The following RASEF variants were observed in gnomAD, a reference collection of about 807,000 sequenced individuals.
The protein encoded by RASEF is ras and EF-hand domain-containing protein.
RASEF carries 68 observed loss-of-function variants against 90.1 expected under a neutral mutation model. The observed-to-expected ratio is 0.75, with a 90% CI of 0.62 to 0.92. The LOEUF (loss-of-function observed/expected upper bound fraction) is 0.92. Ranked by LOEUF, RASEF falls within the 40% of genes least tolerant of loss-of-function variation. The pLI, the probability that RASEF is intolerant of heterozygous loss-of-function variation, is 0.00. For missense variants in RASEF, 949 were observed against 937.2 expected (o/e 1.01, Z -0.16); for synonymous variants, 331 against 345.2 (o/e 0.96, Z 0.46).
At chr9:83,127,031 T>C in the RASEF span, among the ~76,000 whole-genome samples, 2 of 152,286 alleles carry the variant, frequency 1.3e-5, no homozygotes, top group South Asian at 4.1e-4. Flanking sequence ...TAAAATATAA[T>C]ACATAAATTG....
the RASEF span, among the ~76,000 whole-genome samples, chr9:83,124,907 T>C: frequency 6.6e-6 from 1 of 152,012 alleles, no homozygotes; most frequent in Admixed American, 6.6e-5. Context: ...AACAGGCCAT[T>C]AGCAAAACCT....
the RASEF span, among the ~76,000 whole-genome samples, chr9:83,155,114 A>C: frequency 6.6e-6 from 1 of 152,190 alleles, no homozygotes; most frequent in Non-Finnish European, 1.5e-5. Context: ...CCAGAGGTAA[A>C]CCAGAAAGGA....
At chr9:83,188,335 T>C in the RASEF span, among the ~76,000 whole-genome samples, 1 of 152,224 alleles carries the variant, frequency 6.6e-6, no homozygotes, top group African/African-American at 2.4e-5. Context: ...GAAGGCAAAC[T>C]TGACAACAAT....
the RASEF span, among the ~76,000 whole-genome samples, chr9:83,197,919 G>A: frequency 6.6e-6 from 1 of 152,198 alleles, no homozygotes; most frequent in Non-Finnish European, 1.5e-5. Context: ...GATATCTACA[G>A]CAGTAAAAGC....
At chr9:83,073,993 T>C in the RASEF span, among the ~76,000 whole-genome samples, 1 of 152,216 alleles carries the variant, frequency 6.6e-6, no homozygotes, top group Non-Finnish European at 1.5e-5. Flanking sequence ...TGAAAAATAA[T>C]GTATACCTCA....
intron 16 of RASEF, among the ~76,000 whole-genome samples, chr9:82,985,196 C>T (rs919858367): frequency 2.0e-5 from 3 of 152,014 alleles, no homozygotes; most frequent in Non-Finnish European, 2.9e-5. Flanking sequence ...AAAGTGGGAA[C>T]GAAAAGAGGT....
At chr9:83,201,698 C>T in the RASEF span, among the ~76,000 whole-genome samples, 5 of 152,042 alleles carry the variant, frequency 3.3e-5, no homozygotes, top group Non-Finnish European at 7.4e-5. Context: ...AGGAATAGTG[C>T]TTGGCATGAT....
At chr9:83,194,516 G>A in the RASEF span, among the ~76,000 whole-genome samples, 1 of 152,172 alleles carries the variant, frequency 6.6e-6, no homozygotes, top group Non-Finnish European at 1.5e-5. Context: ...GTGTTTGCTA[G>A]GCTTCTTCCC....
upstream of RASEF, among the ~76,000 whole-genome samples, chr9:83,066,033 G>A (rs1036131200): frequency 6.6e-6 from 1 of 152,110 alleles, no homozygotes. Context: ...CCCCAGTGGT[G>A]CTCCAATAAA....
the RASEF span, among the ~76,000 whole-genome samples, chr9:83,191,805 G>A: frequency 3.3e-5 from 5 of 152,240 alleles, no homozygotes; most frequent in East Asian, 9.6e-4. Flanking sequence ...AACATTATTT[G>A]GAGATATTAA....
the RASEF span, among the ~76,000 whole-genome samples, chr9:83,093,135 T>C: frequency 2.6e-5 from 4 of 152,088 alleles, no homozygotes; most frequent in South Asian, 8.3e-4. Context: ...TTTACAAACC[T>C]TGAGCTAGAT....
chr9:83,042,889 T>C (rs1332552564), intron 1 of RASEF, among the ~76,000 whole-genome samples: 1 of 152,170 alleles, frequency 6.6e-6, no homozygotes, highest in African/African-American at 2.4e-5. Context: ...AAGGAAGTAC[T>C]GAGAATAGTA....
At chr9:83,162,507 G>T in the RASEF span, among the ~76,000 whole-genome samples, 1 of 152,128 alleles carries the variant, frequency 6.6e-6, no homozygotes, top group Non-Finnish European at 1.5e-5. Flanking sequence ...AAAATATTTT[G>T]CAGGTCTACA....
At chr9:83,159,132 G>A in the RASEF span, among the ~76,000 whole-genome samples, 2 of 147,670 alleles carry the variant, frequency 1.4e-5, no homozygotes, top group African/African-American at 5.0e-5. Context: ...CTTGCAGTGA[G>A]CCAAGATCAC....
the RASEF span, among the ~76,000 whole-genome samples, chr9:83,089,393 T>C: frequency 6.6e-6 from 1 of 152,130 alleles, no homozygotes; most frequent in Admixed American, 6.5e-5. Context: ...TATTTATTTA[T>C]GTTGATTCAC....
At chr9:83,133,744 A>G in the RASEF span, among the ~76,000 whole-genome samples, 2 of 152,182 alleles carry the variant, frequency 1.3e-5, no homozygotes, top group Non-Finnish European at 2.9e-5. Flanking sequence ...AACAAAATCT[A>G]TGATTAACAA....
the RASEF span, among the ~76,000 whole-genome samples, chr9:83,161,799 C>T: frequency 3.3e-5 from 5 of 151,732 alleles, no homozygotes; most frequent in East Asian, 2.0e-4. Flanking sequence ...ATTATGGGGG[C>T]GGGTCTTTCC....
chr9:83,184,441 T>C, the RASEF span, among the ~76,000 whole-genome samples: 135,068 of 152,112 alleles, frequency 0.89, 60,222 homozygotes, highest in African/African-American at 0.97. Flanking sequence ...GTGGAGGGCG[T>C]GCTGCTCTGT....
At chr9:83,099,427 C>A in the RASEF span, among the ~76,000 whole-genome samples, 1 of 152,138 alleles carries the variant, frequency 6.6e-6, no homozygotes, top group Non-Finnish European at 1.5e-5. Context: ...TTCACCATAC[C>A]GTGTTACGCT....
Sources: gnomAD v4.1 joint callset for allele counts (sites outside exome capture counted in the v4.1 genomes callset) on GRCh38, gnomAD v4.1.1 for gene constraint, MANE v1.5 for transcripts, NCBI Gene and HGNC (gene_info 2026-07-23, HGNC 2026-07-21) for gene names.